Variants in DENND4A observed in about 807,000 individuals in gnomAD.
DENND4A encodes the protein DENN domain containing 4A.
A neutral mutation model predicts 199.3 loss-of-function variants in DENND4A; 70 were observed. That is an observed-to-expected ratio of 0.35 (90% confidence interval 0.29 to 0.43). DENND4A has a LOEUF of 0.43. Among genes scored for constraint, DENND4A ranks in the 20% least tolerant of loss-of-function variants. The pLI is 1.00. For synonymous variants in DENND4A, 686 were observed against 766.9 expected (o/e 0.89, Z 1.74); for missense variants, 1,723 against 2,255.8 (o/e 0.76, Z 4.78).
At position 65,676,585 on chromosome 15, in the gene DENND4A, G is replaced by C; in HGVS notation, c.4229C>G (p.Ser1410Cys). Residue 1410 changes from serine to cysteine, a missense_variant, in exon 24 of 33, where the codon TCT becomes TGT. Around this residue, in one of 6 missense-constraint regions of DENND4A, gnomAD observed 650 missense variants for 738.1 expected, o/e 0.88. Transcript: ENST00000443035. ...TTCATCTGTTAAAGAGGTAGATTCA[G>C]AATCCTGGGCTCCCACTGAAGAAAG... is the stretch of plus-strand genomic sequence containing the variant. ...TSLSSVGAQD[S>C]ESTSLTDEDV... The C allele has an allele frequency of 1.9e-6, 3 of 1,613,462 alleles. No homozygotes were observed. The highest frequency in any genetic ancestry group is 2.5e-6 in the Non-Finnish European group (3 of 1,179,700).
chr15:65,765,533 A>G (rs1020774539), intron 1 of DENND4A, among the ~76,000 whole-genome samples: 2 of 152,240 alleles, frequency 1.3e-5, no homozygotes, highest in Non-Finnish European at 2.9e-5. Context: ...TTGCAAAACT[A>G]TAGCACAGCT....
At chr15:65,790,997 C>T (rs2077703157) in intron 1 of DENND4A, among the ~76,000 whole-genome samples, 1 of 152,222 alleles carries the variant, frequency 6.6e-6, no homozygotes, top group Admixed American at 6.5e-5. Context: ...ACTATATACA[C>T]ACCAAATAAC....
chr15:65,709,719 A>AAATAT (rs1218030026), intron 14 of DENND4A, among the ~76,000 whole-genome samples: 3 of 51,472 alleles, frequency 5.8e-5, no homozygotes, highest in African/African-American at 3.0e-4. Flanking sequence ...AAAAAAAAAA[A>AAATAT]ATATATATAT....
intron 1 of DENND4A, among the ~76,000 whole-genome samples, chr15:65,776,625 G>A (rs2077291111): frequency 6.6e-6 from 1 of 152,152 alleles, no homozygotes; most frequent in South Asian, 2.1e-4. Flanking sequence ...AATTGGGCCT[G>A]AAAGCCATGT....
At chr15:65,721,102 C>T (rs1227421803) in intron 12 of DENND4A, among the ~76,000 whole-genome samples, 1 of 150,408 alleles carries the variant, frequency 6.6e-6, no homozygotes. Context: ...CCTGAGCCAC[C>T]CTGCCCAGCC....
At chr15:65,702,841 A>C (rs749217786) in intron 16 of DENND4A, 32 bp downstream of exon 16, 51 of 1,583,154 alleles carry the variant, frequency 3.2e-5, no homozygotes, top group Non-Finnish European at 4.1e-5. Flanking sequence ...CTTGTTCTAA[A>C]ATTTGATTAC....
chr15:65,699,072 T>C (rs1444429856), intron 20 of DENND4A, among the ~76,000 whole-genome samples: 1 of 152,152 alleles, frequency 6.6e-6, no homozygotes, highest in Admixed American at 6.6e-5. Flanking sequence ...AGTTAAAAGA[T>C]AAGATTTCTT....
At position 65,745,025 on chromosome 15, in the gene DENND4A, A is replaced by G. The variant is rs1443383591; in HGVS notation, c.562-3241T>C. Among the ~76,000 whole-genome samples the G allele has an allele frequency of 1.6e-4, 24 of 152,190 alleles. 1 individual carries two copies. The highest frequency in any genetic ancestry group is 1.5e-3 in the Admixed American group (23 of 15,278). On this transcript the variant is annotated intron_variant, in intron 4 of 32. Coordinates refer to ENST00000443035, the MANE Select transcript of DENND4A (RefSeq NM_001320835.1). ...TTATTTTCCAACTTTGGTTTCTCTG[A>G]TATTTAGTTCACACTCACTTAATCA... is the stretch of plus-strand genomic sequence containing the variant.
At chr15:65,786,500 C>T (rs1024659629) in intron 1 of DENND4A, among the ~76,000 whole-genome samples, 1 of 151,508 alleles carries the variant, frequency 6.6e-6, no homozygotes, top group Non-Finnish European at 1.5e-5. Context: ...GAGGCCAAGG[C>T]GGTAGGATTG....
At chr15:65,747,885 A>G (rs553238898) in intron 4 of DENND4A, among the ~76,000 whole-genome samples, 1 of 151,802 alleles carries the variant, frequency 6.6e-6, no homozygotes, top group South Asian at 2.1e-4. Context: ...TACTAAATAT[A>G]CAAAAATAGT....
intron 23 of DENND4A, among the ~76,000 whole-genome samples, chr15:65,686,093 T>C (rs1567002869): frequency 6.6e-6 from 1 of 152,236 alleles, no homozygotes; most frequent in South Asian, 2.1e-4. Context: ...AATTTTGATA[T>C]ACATTTAGAT....
chr15:65,775,851 G>A (rs1479654949), intron 1 of DENND4A, among the ~76,000 whole-genome samples: 1 of 152,078 alleles, frequency 6.6e-6, no homozygotes, highest in African/African-American at 2.4e-5. Flanking sequence ...GTTTCATTAA[G>A]TTAAATGGGG....
At position 65,756,370 on chromosome 15, in the gene DENND4A, T is replaced by A; in HGVS notation, c.81A>T (p.Glu27Asp). The A allele has an allele frequency of 6.2e-7, 1 of 1,613,982 alleles. No individual in the cohort carries two copies. Among genetic ancestry groups the A allele is most frequent in the Non-Finnish European group, 8.5e-7 (1 of 1,179,862 alleles). The change falls in exon 3 of 33, where the codon GAA becomes GAT. Residue 27 changes from glutamate (E) to aspartate (D), a missense_variant. By Grantham distance (45) the Glu-to-Asp change is conservative. This residue lies in a region of DENND4A where 725 missense variants were observed against 952.9 expected (regional missense o/e 0.76). Transcript: ENST00000443035. ...GACAAGCATCATTGAAGTGAATTTCTTCTTCTAGAGGCTTTGAAACATCAG... is the reference window on the plus strand; with the variant it reads ...GACAAGCATCATTGAAGTGAATTTCATCTTCTAGAGGCTTTGAAACATCAG... Reference protein sequence around the residue: ...GLTDVSKPLEEEIHFNDACHK... With the variant: ...GLTDVSKPLEDEIHFNDACHK...
At chr15:65,721,268 A>G (rs1458111370) in intron 12 of DENND4A, among the ~76,000 whole-genome samples, 1 of 151,964 alleles carries the variant, frequency 6.6e-6, no homozygotes, top group African/African-American at 2.4e-5. Context: ...GTTACGTTTT[A>G]TGTAATTTGT....
At chr15:65,783,127 G>A (rs1361092780) in intron 1 of DENND4A, among the ~76,000 whole-genome samples, 1 of 151,892 alleles carries the variant, frequency 6.6e-6, no homozygotes, top group Admixed American at 6.6e-5. Context: ...AGATGTCAGG[G>A]GAAAAGGTTT....
chr15:65,769,491 G>T (rs1267335429), intron 1 of DENND4A, among the ~76,000 whole-genome samples: 1 of 152,002 alleles, frequency 6.6e-6, no homozygotes, highest in Non-Finnish European at 1.5e-5. Flanking sequence ...TTAAAATCCT[G>T]GTTCTATCCA....
At chr15:65,734,590 C>A (rs1055668539) in intron 7 of DENND4A, among the ~76,000 whole-genome samples, 1 of 152,004 alleles carries the variant, frequency 6.6e-6, no homozygotes, top group Non-Finnish European at 1.5e-5. Context: ...CGAGAAACAC[C>A]CACAGGTGTG....
intron 12 of DENND4A, among the ~76,000 whole-genome samples, chr15:65,719,541 T>C (rs2075538545): frequency 6.6e-6 from 1 of 152,074 alleles, no homozygotes; most frequent in Admixed American, 6.5e-5. Flanking sequence ...TGCGATCTGA[T>C]ATAAGGACGC....
At chr15:65,693,908 A>T (rs1344844102) in intron 22 of DENND4A, among the ~76,000 whole-genome samples, 1 of 152,054 alleles carries the variant, frequency 6.6e-6, no homozygotes, top group Non-Finnish European at 1.5e-5. Flanking sequence ...CCTGACATAT[A>T]GTAGAATCTA....
Sources: allele counts gnomAD v4.1 joint callset (sites outside exome capture counted in the v4.1 genomes callset), GRCh38; gene constraint gnomAD v4.1.1; regional missense constraint gnomAD v4.1.1; transcripts MANE v1.5; gene names NCBI Gene and HGNC (gene_info 2026-07-23, HGNC 2026-07-21).